PRDM1: variants seen among roughly 807,000 people sequenced by gnomAD.
PRDM1 encodes PR domain zinc finger protein 1.
A neutral mutation model predicts 62.8 loss-of-function variants in PRDM1; 13 were observed. The ratio of observed to expected loss-of-function variants is 0.21; its 90% CI spans 0.13 to 0.33. The LOEUF (loss-of-function observed/expected upper bound fraction) is 0.33, where lower values mean the gene tolerates loss of function less well. Ranked by LOEUF, PRDM1 falls within the 10% of genes least tolerant of loss-of-function variation. The pLI, the probability that PRDM1 is intolerant of heterozygous loss-of-function variation, is 1.00. For synonymous variants in PRDM1, 396 were observed against 417.6 expected (o/e 0.95, Z 0.63); for missense variants, 895 against 1,058.8 (o/e 0.85, Z 2.15).
rs1314386855 is a variant in PRDM1 at position 106,107,619 on chromosome 6, G to GAATT, written c.*136_*139dup. The GAATT allele has an allele frequency of 3.1e-5, 22 of 714,774 alleles. No homozygotes were observed. In the Admixed American group the frequency reaches 7.0e-4, roughly 23 times the overall value. 44.3% of individuals were successfully genotyped at this position (714,774 alleles called of 1,614,324 possible). A position where few individuals can be genotyped will look rare whatever the true frequency, so the allele number is the denominator to read the frequency against. ...AGCAAATGGTTTCCCCTCACCTCTG[G>GAATT]AATTAAAGAAGGAACTCCAAAGTTA... is the stretch of plus-strand genomic sequence containing the variant. On this transcript the variant is annotated 3_prime_UTR_variant, in exon 7 of 7. Coordinates refer to ENST00000369096, the MANE Select transcript of PRDM1 (RefSeq NM_001198.4).
chr6:106,038,705 G>C (rs1296524474), intron 1 of PRDM1, among the ~76,000 whole-genome samples: 2 of 152,192 alleles, frequency 1.3e-5, no homozygotes, highest in Non-Finnish European at 2.9e-5. Context: ...TGCACACCCT[G>C]GCAAGCTGCT....
chr6:106,106,504 G>T lies in PRDM1; in HGVS notation c.1902+5G>T, dbSNP rs373380140. On this transcript the variant is annotated splice_donor_5th_base_variant and intron_variant, in intron 6 of 6. Coordinates refer to ENST00000369096, the MANE Select transcript of PRDM1 (RefSeq NM_001198.4). The surrounding 1 kb of genome is among the most constrained non-coding windows in gnomAD (Gnocchi z 4.4). ...GAAAAGCCACATGAATGCCAGGTGC[G>T]CAGTATTTTCTGGGTAGACCTTCTG... 1.2e-6 allele frequency: 2 copies of T among 1,613,908 alleles called. No individual in the cohort carries two copies. Among genetic ancestry groups the T allele is most frequent in the South Asian group, 2.2e-5 (2 of 91,094 alleles).
intron 1 of PRDM1, among the ~76,000 whole-genome samples, chr6:106,032,787 A>C (rs1772864528): frequency 6.6e-6 from 1 of 152,194 alleles, no homozygotes; most frequent in African/African-American, 2.4e-5. Flanking sequence ...AAATTTGAAG[A>C]AATAATCACC....
chr6:106,042,181 A>G (rs963921483), intron 1 of PRDM1, among the ~76,000 whole-genome samples: 5 of 151,718 alleles, frequency 3.3e-5, no homozygotes, highest in Admixed American at 2.6e-4. Context: ...TCTAATTCAC[A>G]TAACTGTTCT....
chr6:106,090,289 A>G (rs1415920296), intron 2 of PRDM1, among the ~76,000 whole-genome samples: 1 of 152,190 alleles, frequency 6.6e-6, no homozygotes, highest in Non-Finnish European at 1.5e-5. Context: ...CTATTTCAAT[A>G]TATTAAGCAA....
intron 3 of PRDM1, chr6:106,098,744 G>T: frequency 7.0e-7 from 1 of 1,436,358 alleles, no homozygotes; most frequent in Admixed American, 2.1e-5. Context: ...GTATTCATAT[G>T]AACAAGTGTT....
upstream of PRDM1, among the ~76,000 whole-genome samples, chr6:106,045,054 T>C (rs1473249973): frequency 6.6e-6 from 1 of 152,174 alleles, no homozygotes; most frequent in Non-Finnish European, 1.5e-5. Flanking sequence ...ATGCATATGG[T>C]ATTAGAATAC....
At chr6:106,057,240 T>C (rs1382685370) in intron 1 of PRDM1, among the ~76,000 whole-genome samples, 1 of 152,260 alleles carries the variant, frequency 6.6e-6, no homozygotes, top group East Asian at 1.9e-4. Context: ...ATATGCTGTG[T>C]ATTTACTTTA....
intron 3 of PRDM1, chr6:106,096,280 C>G (rs1471133672): frequency 1.3e-5 from 2 of 154,748 alleles, no homozygotes; most frequent in Admixed American, 6.4e-5. Flanking sequence ...TCCCGAGTAG[C>G]TGGGACTAAG....
At position 106,100,482 on chromosome 6, in the gene PRDM1, G is replaced by A. The variant is rs1582472874; in HGVS notation, c.664+930G>A. 5.9e-5 allele frequency: 9 copies of A among 152,272 alleles called. 1 individual carries two copies. The South Asian group carries it at 1.7e-3, about 28-fold the overall frequency. The allele number at this position is 152,272 out of a possible 1,614,324, so 9.4% of individuals were successfully genotyped here. On this transcript the variant is annotated intron_variant, in intron 4 of 6. Coordinates refer to ENST00000369096, the MANE Select transcript of PRDM1 (RefSeq NM_001198.4). ...AGAATTTCCACTTACCCTTTACCCAGGTTTACCAGTTATTGATAAGTATAT... is the reference window on the plus strand; with the variant it reads ...AGAATTTCCACTTACCCTTTACCCAAGTTTACCAGTTATTGATAAGTATAT...
chr6:106,079,196 T>G (rs944507888), intron 1 of PRDM1, among the ~76,000 whole-genome samples: 4 of 151,910 alleles, frequency 2.6e-5, no homozygotes, highest in Admixed American at 2.0e-4. Flanking sequence ...AACTCCTGAC[T>G]TCAGGTGATC....
In PRDM1 at chr6:106,087,757, C is replaced by G. The variant is rs142703057; in HGVS notation, c.43-444C>G. ...CGCGCTTTCCATTTTTAGCTTCATT[C>G]AGAGGCAGACAGAGCTCCTTCCTCT... is the stretch of plus-strand genomic sequence containing the variant. On this transcript the variant is annotated intron_variant, in intron 1 of 6. Transcript: ENST00000369096. 1,902 of 233,386 alleles carry G rather than the reference C, an allele frequency of 8.1e-3. 14 individuals are homozygous for G. Among genetic ancestry groups the G allele is most frequent in the Non-Finnish European group, 0.012 (1,426 of 118,272 alleles). The allele number at this position is 233,386 out of a possible 1,614,324, so 14.5% of individuals were successfully genotyped here.
At chr6:105,998,933 ATTTTTTTTT>A (rs754830624) in intron 1 of PRDM1, among the ~76,000 whole-genome samples, 5 of 6,400 alleles carry the variant, frequency 7.8e-4, no homozygotes, top group African/African-American at 4.5e-3. Context: ...ATATATATAT[ATTTTTTTTT>A]TTTTTTTTCT....
chr6:106,085,941 T>C (rs1048433105), upstream of PRDM1, among the ~76,000 whole-genome samples: 2 of 152,062 alleles, frequency 1.3e-5, no homozygotes, highest in African/African-American at 4.8e-5. Context: ...AAAAACAATT[T>C]AACTTGCTCT....
chr6:106,077,716 AC>A (rs1374897395), intron 1 of PRDM1, among the ~76,000 whole-genome samples: 1 of 152,232 alleles, frequency 6.6e-6, no homozygotes, highest in Admixed American at 6.5e-5. Context: ...ATTTTGGAAA[AC>A]CTTCTGTCTT....
chr6:106,105,884 A>G lies in PRDM1; in HGVS notation c.1724A>G (p.Tyr575Cys), dbSNP rs1450522672. 6.2e-7 allele frequency: 1 copy of G among 1,613,942 alleles called. No individual in the cohort carries two copies. Among genetic ancestry groups the G allele is most frequent in the Non-Finnish European group, 8.5e-7 (1 of 1,179,984 alleles). The part of the protein sequence containing the change: ...PLKKQNGKIK[Y>C]ECNVCAKTFG... The stretch of plus-strand genomic sequence containing the variant: ...AAGAAGCAGAACGGCAAGATCAAGT[A>G]CGAATGCAACGTTTGCGCCAAGACT... The change falls in exon 5 of 7, where the codon TAC becomes TGC. Residue 575 changes from tyrosine (Y) to cysteine (C), a missense_variant. Around this residue, in one of 4 missense-constraint regions of PRDM1, gnomAD observed 74 missense variants for 172.4 expected, o/e 0.43. Coordinates refer to ENST00000369096, the MANE Select transcript of PRDM1 (RefSeq NM_001198.4).
At chr6:106,098,263 G>C in intron 3 of PRDM1, 1 of 985,156 alleles carries the variant, frequency 1.0e-6, no homozygotes, top group Non-Finnish European at 1.2e-6. Context: ...AGTAAAGGTG[G>C]TACCTCCTAA....
At chr6:106,074,974 A>T (rs1380933193) in intron 1 of PRDM1, among the ~76,000 whole-genome samples, 2 of 152,206 alleles carry the variant, frequency 1.3e-5, no homozygotes, top group Non-Finnish European at 2.9e-5. Flanking sequence ...TGTTTCCAAT[A>T]CTGTATAATG....
intron 1 of PRDM1, among the ~76,000 whole-genome samples, chr6:106,069,992 C>T (rs923138341): frequency 4.6e-5 from 7 of 152,126 alleles, no homozygotes; most frequent in Admixed American, 2.0e-4. Context: ...TCCACCACTT[C>T]TCCCTCAATT....
Sources: gnomAD v4.1 joint callset for allele counts (sites outside exome capture counted in the v4.1 genomes callset) on GRCh38, gnomAD v4.1.1 for gene constraint, gnomAD v4.1.1 regional missense constraint, Gnocchi (gnomAD v3.1) non-coding constraint, MANE v1.5 for transcripts, NCBI Gene and HGNC (gene_info 2026-07-23, HGNC 2026-07-21) for gene names.